Variants in L3HYPDH observed in about 807,000 individuals in gnomAD.
L3HYPDH encodes the protein trans-L-3-hydroxyproline dehydratase.
Under a neutral mutation model 26.5 loss-of-function variants are expected in L3HYPDH, and 32 were observed. The observed-to-expected ratio is 1.21, with a 90% CI of 0.91 to 1.62. The LOEUF is 1.62. L3HYPDH is among the 40% of genes most tolerant of loss of function. L3HYPDH has a pLI of 0.00. For missense variants in L3HYPDH, 554 were observed against 476.4 expected (o/e 1.16, Z -1.52); for synonymous variants, 215 against 196.6 (o/e 1.09, Z -0.78).
the L3HYPDH span, among the ~76,000 whole-genome samples, chr14:59,497,905 G>T: frequency 6.6e-6 from 1 of 152,302 alleles, no homozygotes; most frequent in South Asian, 2.1e-4. Flanking sequence ...TAGGGAGAGG[G>T]TTTGAGTAGC....
chr14:59,479,123 G>A, intron 2 of L3HYPDH, 59 bp downstream of exon 2: 2 of 1,202,824 alleles, frequency 1.7e-6, no homozygotes, highest in African/African-American at 1.5e-5. Context: ...ACATAATAAT[G>A]TATATTTCCT....
At chr14:59,484,888 G>A, upstream of L3HYPDH, 1 of 1,333,148 alleles carries the variant, frequency 7.5e-7, no homozygotes, top group South Asian at 1.5e-5. Context: ...CTTGCTTGAG[G>A]GTTGACTTCG....
downstream of L3HYPDH, among the ~76,000 whole-genome samples, chr14:59,467,928 C>G (rs1889233382): frequency 6.6e-6 from 1 of 152,240 alleles, no homozygotes; most frequent in African/African-American, 2.4e-5. Flanking sequence ...TGCGGACTAT[C>G]TTTGCATCCA....
At chr14:59,501,069 A>G in the L3HYPDH span, 41 of 627,964 alleles carry the variant, frequency 6.5e-5, 1 homozygote, top group South Asian at 7.9e-4. Flanking sequence ...TTAGGTTGTA[A>G]GTCTCACAGA....
downstream of L3HYPDH, among the ~76,000 whole-genome samples, chr14:59,469,499 G>A (rs145525170): frequency 9.1e-3 from 1,332 of 145,986 alleles, 18 homozygotes; most frequent in African/African-American, 0.031. Flanking sequence ...AGGTTGCAGT[G>A]AGCCAAGATC....
upstream of L3HYPDH, chr14:59,487,804 T>A: frequency 6.2e-7 from 1 of 1,613,694 alleles, no homozygotes; most frequent in Non-Finnish European, 8.5e-7. Flanking sequence ...TGGTTCTTCA[T>A]TGAATGGTAC....
In L3HYPDH at chr14:59,484,275, A is replaced by G. The variant is rs143306108; in HGVS notation, c.42T>C (p.Asp14=). The G allele has an allele frequency of 1.3e-6, 2 of 1,596,016 alleles. No homozygotes were observed. The highest frequency in any genetic ancestry group is 1.3e-5 in the African/African-American group (1 of 74,828). The change falls in exon 1 of 5, where the codon GAT becomes GAC. Residue 14 remains aspartate (D), a synonymous_variant. Transcript: ENST00000247194. ...ALAVPRLPPH[D]PGTPVLSVVD... ...CCACCGACAGCACCGGCGTCCCTGG[A>G]TCATGCGGGGGCAGCCGGGGCACCG...
upstream of L3HYPDH, chr14:59,484,969 C>G: frequency 6.5e-7 from 1 of 1,546,362 alleles, no homozygotes; most frequent in Non-Finnish European, 8.6e-7. Flanking sequence ...AATTTGTCTA[C>G]TGCTTCAACC....
chr14:59,495,110 T>C, the L3HYPDH span: 2 of 1,613,474 alleles, frequency 1.2e-6, no homozygotes, highest in African/African-American at 1.3e-5. Flanking sequence ...GTTGGTGTTC[T>C]TTATATTCGT....
chr14:59,504,249 A>G, the L3HYPDH span: 43 of 602,160 alleles, frequency 7.1e-5, no homozygotes, highest in East Asian at 5.8e-4. Flanking sequence ...TGGAAAATGC[A>G]AAACTCTGTA....
In L3HYPDH at chr14:59,476,212, A is replaced by T. The variant is rs1009743740; in HGVS notation, c.681T>A (p.Phe227Leu). The T allele has an allele frequency of 1.3e-6, 2 of 1,568,790 alleles. No individual in the cohort carries two copies. The highest frequency in any genetic ancestry group is 1.7e-6 in the Non-Finnish European group (2 of 1,157,376). ...SAVTEAVKAQ[F>L]KINHPDSEDL... ...CTTCACTATCAGGATGATTAATTTT[A>T]AACTGCAAGTAACAAAAAAAGATCA... Residue 227 changes from phenylalanine to leucine, a missense_variant and splice_region_variant, in exon 3 of 5, where the codon TTT becomes TTA. Transcript: ENST00000247194.
At chr14:59,479,661 G>A (rs1889878719) in intron 1 of L3HYPDH, among the ~76,000 whole-genome samples, 1 of 152,186 alleles carries the variant, frequency 6.6e-6, no homozygotes, top group South Asian at 2.1e-4. Context: ...GGCCGAGAGA[G>A]GGAAACCCAA....
chr14:59,504,224 T>C, the L3HYPDH span: 2 of 618,932 alleles, frequency 3.2e-6, no homozygotes, highest in South Asian at 4.0e-5. Flanking sequence ...TTGTTTATGG[T>C]TAGACTTACA....
intron 1 of L3HYPDH, among the ~76,000 whole-genome samples, chr14:59,483,077 G>A (rs1040977884): frequency 5.3e-5 from 8 of 152,238 alleles, no homozygotes; most frequent in African/African-American, 1.4e-4. Flanking sequence ...AATAGGCCTA[G>A]GGAACTTTAG....
Position 59,479,291 on chromosome 14 carries a change from G to GCA in L3HYPDH, c.567_568dup (p.Ala190ValfsTer12). The GCA allele has an allele frequency of 6.2e-7, 1 of 1,613,620 alleles. No individual in the cohort carries two copies. The highest frequency in any genetic ancestry group is 8.5e-7 in the Non-Finnish European group (1 of 1,179,868). On this transcript the variant is annotated frameshift_variant, in exon 2 of 5. Transcript: ENST00000247194. LOFTEE classifies it high-confidence loss of function. ...TTCAGCAGTAACAAATGCATAAAAT[G>GCA]CACCGCCATATGCAATGTCCACCAT...
the L3HYPDH span, among the ~76,000 whole-genome samples, chr14:59,492,230 A>G: frequency 6.6e-6 from 1 of 152,098 alleles, no homozygotes; most frequent in South Asian, 2.1e-4. Flanking sequence ...ACTTTTAGAA[A>G]TGAAAGTTTA....
chr14:59,484,355 T>A lies in L3HYPDH; in HGVS notation c.-39A>T, dbSNP rs751104536. The A allele has an allele frequency of 1.3e-6, 2 of 1,546,224 alleles. No individual in the cohort carries two copies. The highest frequency in any genetic ancestry group is 4.5e-5 in the East Asian group (2 of 44,374). Reference sequence around the variant, plus strand: ...GGAGACGAGTACGGTCCCGCAGCTATGGCTTCAAGCCCGACCCTCACCCAC... The same window carrying A: ...GGAGACGAGTACGGTCCCGCAGCTAAGGCTTCAAGCCCGACCCTCACCCAC... On this transcript the variant is annotated 5_prime_UTR_variant, in exon 1 of 5. Transcript: ENST00000247194.
downstream of L3HYPDH, among the ~76,000 whole-genome samples, chr14:59,468,205 T>A (rs1373007033): frequency 6.6e-6 from 1 of 152,166 alleles, no homozygotes; most frequent in Non-Finnish European, 1.5e-5. Flanking sequence ...CTGGGCAACA[T>A]AGTGAGACCA....
At chr14:59,494,142 T>C in the L3HYPDH span, among the ~76,000 whole-genome samples, 2 of 125,768 alleles carry the variant, frequency 1.6e-5, no homozygotes, top group Non-Finnish European at 3.3e-5. Context: ...GTGTGTGAGA[T>C]ACACACACAT....
Sources: allele counts gnomAD v4.1 joint callset (sites outside exome capture counted in the v4.1 genomes callset), GRCh38; gene constraint gnomAD v4.1.1; transcripts MANE v1.5; gene names NCBI Gene and HGNC (gene_info 2026-07-23, HGNC 2026-07-21).